The following FAM107A variants were observed in gnomAD, a reference collection of about 807,000 sequenced individuals.
FAM107A encodes family with sequence similarity 107 member A, also known as actin-associated protein FAM107A.
FAM107A carries 19 observed loss-of-function variants against 13.7 expected under a neutral mutation model. The ratio of observed to expected loss-of-function variants is 1.38; its 90% CI spans 0.97 to 2.03. The LOEUF (loss-of-function observed/expected upper bound fraction) is 2.03. Among genes scored for constraint, FAM107A ranks in the 30% most tolerant of loss-of-function variants. The pLI is 0.00. For missense variants in FAM107A, 203 were observed against 184.4 expected (o/e 1.10, Z -0.58); for synonymous variants, 82 against 74.5 (o/e 1.10, Z -0.52).
chr3:58,623,654 C>T (rs992173942), intron 1 of FAM107A, among the ~76,000 whole-genome samples: 2 of 152,196 alleles, frequency 1.3e-5, no homozygotes, highest in Non-Finnish European at 1.5e-5. Context: ...TCAGAAGCGC[C>T]GGCAGTGGGG....
At chr3:58,567,484 C>T in intron 2 of FAM107A, 120 bp from the exon 3 acceptor site, 1 of 1,117,574 alleles carries the variant, frequency 8.9e-7, no homozygotes. Context: ...CTCCCTGTAG[C>T]CTTGGAGGTG....
chr3:58,608,639 C>T (rs866939720), intron 1 of FAM107A, among the ~76,000 whole-genome samples: 1 of 152,184 alleles, frequency 6.6e-6, no homozygotes, highest in African/African-American at 2.4e-5. Context: ...CTGGAAGAAA[C>T]CACCTAGTCC....
intron 1 of FAM107A, among the ~76,000 whole-genome samples, chr3:58,598,850 A>G (rs187667506): frequency 6.6e-6 from 1 of 151,158 alleles, no homozygotes; most frequent in Non-Finnish European, 1.5e-5. Context: ...CTTCTGATCT[A>G]CTACAGTGTA....
At chr3:58,605,011 C>A (rs1007262948) in intron 1 of FAM107A, among the ~76,000 whole-genome samples, 3 of 152,206 alleles carry the variant, frequency 2.0e-5, no homozygotes, top group Admixed American at 2.0e-4. Flanking sequence ...TTTTGCACTC[C>A]TGCAAAGTCC....
chr3:58,580,567 A>T (rs994360257), upstream of FAM107A, among the ~76,000 whole-genome samples: 1 of 151,838 alleles, frequency 6.6e-6, no homozygotes, highest in Non-Finnish European at 1.5e-5. Flanking sequence ...GACACATGCC[A>T]CCACACCCAG....
At chr3:58,618,508 A>T (rs1264063945) in intron 1 of FAM107A, among the ~76,000 whole-genome samples, 1 of 152,254 alleles carries the variant, frequency 6.6e-6, no homozygotes, top group East Asian at 1.9e-4. Context: ...GAGGGAGGCC[A>T]TCTTGCCCAG....
In FAM107A at chr3:58,569,783, C is replaced by T. The variant is rs11539085; in HGVS notation, c.78G>A (p.Pro26=). The change falls in exon 2 of 4, where the codon CCG becomes CCA. Residue 26 remains proline (P), a synonymous_variant. Transcript: ENST00000360997. This position sits in a 1 kb window ranked among gnomAD's most constrained non-coding sequence, Gnocchi z 5.7. ...GCAGCTTCTTGGGCTTGATGAGCTCCGGATTCCACTCTCTGTATTCTGGCC... is the reference window on the plus strand; with the variant it reads ...GCAGCTTCTTGGGCTTGATGAGCTCTGGATTCCACTCTCTGTATTCTGGCC... ...MARPEYREWN[P]ELIKPKKLLN... is the part of the protein sequence containing the mutation. The T allele has an allele frequency of 7.9e-5, 127 of 1,614,156 alleles. No homozygotes were observed. The highest frequency in any genetic ancestry group is 5.6e-4 in the East Asian group (25 of 44,876).
intron 1 of FAM107A, among the ~76,000 whole-genome samples, chr3:58,611,419 C>T (rs1012564812): frequency 6.6e-6 from 1 of 152,222 alleles, no homozygotes; most frequent in African/African-American, 2.4e-5. Context: ...TCAGCAGGAT[C>T]AGTCCAGCCA....
intron 1 of FAM107A, among the ~76,000 whole-genome samples, chr3:58,573,236 G>A (rs147961967): frequency 8.6e-4 from 131 of 152,288 alleles, no homozygotes; most frequent in African/African-American, 2.9e-3. Context: ...TGAGATCCAC[G>A]TATACACCTA....
rs148328024 is a variant in FAM107A, at chr3:58,599,229, A to T, written c.-69-9960T>A. Among the ~76,000 whole-genome samples, 1,024 of 152,318 alleles carry T rather than the reference A, an allele frequency of 6.7e-3. 12 individuals are homozygous for T. Among genetic ancestry groups the T allele is most frequent in the African/African-American group, 0.024 (986 of 41,562 alleles). ...AGTGCTGGGATTATAGGCATGAGCC[A>T]TCGCACCTAGCCTCAATTTTTCACT... On this transcript the variant is annotated intron_variant, in intron 1 of 3. Transcript: ENST00000465970.
At chr3:58,573,778 G>C (rs2063707438) in intron 1 of FAM107A, 2 of 152,432 alleles carry the variant, frequency 1.3e-5, no homozygotes, top group Non-Finnish European at 1.5e-5. Context: ...CTACCCTCTG[G>C]AGCTGGAGCC....
Position 58,625,005 on chromosome 3 carries a change from G to T in FAM107A, c.-70+2411C>A, listed in dbSNP as rs546081361. On this transcript the variant is annotated intron_variant, in intron 1 of 3. Transcript: ENST00000465970. Reference sequence around the variant, plus strand: ...TGTGGGAGGTTGGGGTGGGGCTGAGGAAGATGCTGTGGACAGAGCTATGGA... The same window carrying T: ...TGTGGGAGGTTGGGGTGGGGCTGAGTAAGATGCTGTGGACAGAGCTATGGA... Among the ~76,000 whole-genome samples, 108 of 141,846 alleles carry T rather than the reference G, an allele frequency of 7.6e-4. No individual in the cohort carries two copies. The South Asian group carries it at 0.025, about 33-fold the overall frequency. 93.1% of individuals were successfully genotyped at this position (141,846 alleles called of 152,430 possible). A position where few individuals can be genotyped will look rare whatever the true frequency, so the allele number is the denominator to read the frequency against.
upstream of FAM107A, among the ~76,000 whole-genome samples, chr3:58,581,848 G>C (rs1489712685): frequency 1.3e-5 from 2 of 152,228 alleles, no homozygotes; most frequent in African/African-American, 4.8e-5. Flanking sequence ...TCTCCACCCA[G>C]CTGCAATTAG....
intron 1 of FAM107A, among the ~76,000 whole-genome samples, chr3:58,626,045 G>A (rs1438806168): frequency 6.6e-6 from 1 of 152,204 alleles, no homozygotes; most frequent in Non-Finnish European, 1.5e-5. Flanking sequence ...AAGAACCTGA[G>A]GTCCAGAGGG....
intron 1 of FAM107A, among the ~76,000 whole-genome samples, chr3:58,576,755 C>T (rs2063734206): frequency 6.6e-6 from 1 of 152,240 alleles, no homozygotes; most frequent in Non-Finnish European, 1.5e-5. Context: ...ATGCACTGTG[C>T]TAAGCACCTA....
Position 58,583,696 on chromosome 3 carries a change from G to T in FAM107A, c.79+3162C>A, listed in dbSNP as rs371396012. Among the ~76,000 whole-genome samples the T allele has an allele frequency of 1.1e-4, 16 of 151,372 alleles. 1 individual carries two copies. In the East Asian group the frequency reaches 2.5e-3, roughly 24 times the overall value. ...TTCTTTTTCTTTTCTTTTTTTTTGG[G>T]GGGGGACACGGTCTTGCTCTGTTGC... On this transcript the variant is annotated intron_variant, in intron 1 of 3. Coordinates refer to the FAM107A transcript ENST00000447756.
chr3:58,571,868 C>G (rs139382210), intron 1 of FAM107A, among the ~76,000 whole-genome samples: 5 of 152,274 alleles, frequency 3.3e-5, no homozygotes, highest in African/African-American at 1.2e-4. Context: ...TCTGTGCCCC[C>G]CAAATCTTCC....
intron 1 of FAM107A, chr3:58,626,971 C>T (rs1473257883): frequency 2.5e-5 from 39 of 1,535,850 alleles, no homozygotes; most frequent in Non-Finnish European, 4.4e-6. Flanking sequence ...AGGTTCCTAC[C>T]TTCTTCCCCT....
Position 58,567,216 on chromosome 3 carries a change from G to A in FAM107A, c.319C>T (p.Leu107=). Residue 107 remains leucine (L), a synonymous_variant, in exon 3 of 4, where the codon CTG becomes TTG. Transcript: ENST00000360997. Reference sequence around the variant, plus strand: ...GGGTGCCCATCACCCACCTGGTTCAGCCTCTGCTGCCGTCTCAGCAGCTCC... The same window carrying A: ...GGGTGCCCATCACCCACCTGGTTCAACCTCTGCTGCCGTCTCAGCAGCTCC... The part of the protein sequence containing the change: ...EQELLRRQQR[L]NQLEKPPEKE... 1 of 1,614,192 alleles carries A rather than the reference G, an allele frequency of 6.2e-7. No individual in the cohort carries two copies. The highest frequency in any genetic ancestry group is 1.7e-5 in the Admixed American group (1 of 60,026).
Sources: allele counts gnomAD v4.1 joint callset (sites outside exome capture counted in the v4.1 genomes callset), GRCh38; gene constraint gnomAD v4.1.1; non-coding constraint Gnocchi (gnomAD v3.1); transcripts MANE v1.5; gene names NCBI Gene and HGNC (gene_info 2026-07-23, HGNC 2026-07-21).